Variants in KNL1 observed in about 807,000 individuals in gnomAD.
The protein encoded by KNL1 is outer kinetochore KNL1 complex subunit KNL1.
Under a neutral mutation model 201.3 loss-of-function variants are expected in KNL1, and 66 were observed. The observed-to-expected ratio is 0.33, with a 90% CI of 0.27 to 0.40. The LOEUF (loss-of-function observed/expected upper bound fraction) is 0.40. Among genes scored for constraint, KNL1 ranks in the 10% least tolerant of loss-of-function variants. KNL1 has a pLI of 1.00. For missense variants in KNL1, 2,815 were observed against 2,690.5 expected, an observed-to-expected ratio of 1.05 and a Z score of -1.02; for synonymous variants, 895 against 899.2, an observed-to-expected ratio of 1.00 and a Z score of 0.08.
chr15:40,629,250 C>G (rs1892834583), intron 12 of KNL1, 23 bp from the exon 13 acceptor site: 1 of 1,455,954 alleles, frequency 6.9e-7, no homozygotes, highest in African/African-American at 1.4e-5. Flanking sequence ...AATGGTCATG[C>G]AAACTTTTTT....
At position 40,621,784 on chromosome 15, in the gene KNL1, A is replaced by G; in HGVS notation, c.1520A>G (p.Gln507Arg). Residue 507 changes from glutamine (Q) to arginine (R), a missense_variant, in exon 10 of 26, where the codon CAA (glutamine) becomes CGA (arginine). By Grantham distance (43) the Gln-to-Arg change is conservative (BLOSUM62 1). Transcript: ENST00000399668. Reference sequence around the variant, plus strand: ...TTTAAACAAGATCAATCAAATGTGCAAATAGCAGCTGCACCAACACCCGAA... The same window carrying G: ...TTTAAACAAGATCAATCAAATGTGCGAATAGCAGCTGCACCAACACCCGAA... Reference protein sequence around the residue: ...QIFKQDQSNVQIAAAPTPEKE... With the variant: ...QIFKQDQSNVRIAAAPTPEKE... 6.2e-7 allele frequency: 1 copy of G among 1,614,000 alleles called. No homozygotes were observed. Among genetic ancestry groups the G allele is most frequent in the Non-Finnish European group, 8.5e-7 (1 of 1,179,886 alleles).
At chr15:40,651,657 T>G in intron 20 of KNL1, 85 bp downstream of exon 20, 1 of 916,046 alleles carries the variant, frequency 1.1e-6, no homozygotes, top group Non-Finnish European at 1.7e-6. Flanking sequence ...GATGTATTTT[T>G]AATGTGTTGC....
intron 8 of KNL1, among the ~76,000 whole-genome samples, chr15:40,618,578 AT>A (rs2141716656): frequency 6.6e-6 from 1 of 152,264 alleles, no homozygotes; most frequent in Admixed American, 6.5e-5. Context: ...TCACCACCAC[AT>A]TATAAAAATA....
At chr15:40,645,794 C>G in intron 16 of KNL1, 22 bp downstream of exon 16, 3 of 1,210,372 alleles carry the variant, frequency 2.5e-6, no homozygotes, top group Non-Finnish European at 3.5e-6. Context: ...CAGTTAATAT[C>G]ATAGAAAGAG....
chr15:40,641,983 A>T (rs1251037127), intron 14 of KNL1, among the ~76,000 whole-genome samples: 1 of 152,266 alleles, frequency 6.6e-6, no homozygotes, highest in Non-Finnish European at 1.5e-5. Context: ...TTTATGTCAT[A>T]CTTATCTGGG....
In KNL1 at chr15:40,625,328, G is replaced by C. The variant is rs369221746; in HGVS notation, c.5064G>C (p.Pro1688=). 3.2e-4 allele frequency: 514 copies of C among 1,613,890 alleles called. No individual in the cohort carries two copies. The highest frequency in any genetic ancestry group is 9.2e-4 in the Admixed American group (55 of 59,992). Residue 1688 remains proline (P), a synonymous_variant, in exon 10 of 26, where the codon CCG becomes CCC. Transcript: ENST00000399668. ...ATATAAATCACTTAGAAACTCAGCC[G>C]GTCTCTAGCAAAGATTCAGGCATTG... ...TTDINHLETQ[P]VSSKDSGIGS... is the part of the protein sequence containing the mutation.
Position 40,638,547 on chromosome 15 carries a change from A to C in KNL1, c.5683-2365A>C, listed in dbSNP as rs1595937028. On this transcript the variant is annotated intron_variant, in intron 13 of 25. Coordinates refer to ENST00000399668, the MANE Select transcript of KNL1 (RefSeq NM_144508.5). Reference sequence around the variant, plus strand: ...TGCTCTGTCACCTAGTCTGGAGTGCAATGGTGCGATCTCGGCTCACTGCAA... The same window carrying C: ...TGCTCTGTCACCTAGTCTGGAGTGCCATGGTGCGATCTCGGCTCACTGCAA... Among the ~76,000 whole-genome samples, 4 of 151,552 alleles carry C rather than the reference A, an allele frequency of 2.6e-5. 1 individual carries two copies. In the South Asian group the frequency reaches 8.3e-4, roughly 32 times the overall value.
rs757780869 is a variant in KNL1, at chr15:40,620,947, G to A, written c.683G>A (p.Ser228Asn). ...FIKRLKTGKCSAFPDVPDKEN... is the reference protein window; with the variant it reads ...FIKRLKTGKCNAFPDVPDKEN... ...AAAAGATTGAAAACAGGAAAATGTAGTGCTTTTCCTGATGTGCCTGATAAA... is the reference window on the plus strand; with the variant it reads ...AAAAGATTGAAAACAGGAAAATGTAATGCTTTTCCTGATGTGCCTGATAAA... The change falls in exon 10 of 26, where the codon AGT becomes AAT. Residue 228 changes from serine (S) to asparagine (N), a missense_variant. Ser to Asn is a conservative substitution (Grantham distance 46, BLOSUM62 1). This residue lies in a region of KNL1 where 2,464 missense variants were observed against 2,291.7 expected (regional missense o/e 1.08). Transcript: ENST00000399668. The A allele has an allele frequency of 6.2e-7, 1 of 1,606,284 alleles. No individual in the cohort carries two copies. Among genetic ancestry groups the A allele is most frequent in the South Asian group, 1.1e-5 (1 of 89,912 alleles).
At chr15:40,635,889 C>T (rs1205705695) in intron 13 of KNL1, among the ~76,000 whole-genome samples, 1 of 151,956 alleles carries the variant, frequency 6.6e-6, no homozygotes, top group African/African-American at 2.4e-5. Flanking sequence ...TTTTTTGAGA[C>T]GGAGTCTCGC....
intron 7 of KNL1, among the ~76,000 whole-genome samples, chr15:40,614,101 CTTT>C (rs35400027): frequency 1.5e-5 from 2 of 132,528 alleles, no homozygotes. Flanking sequence ...CCTGGCCCCC[CTTT>C]TTTTTTTTTT....
intron 1 of KNL1, among the ~76,000 whole-genome samples, chr15:40,599,404 G>A (rs529221241): frequency 6.6e-6 from 1 of 150,522 alleles, no homozygotes; most frequent in East Asian, 2.0e-4. Context: ...CACCCCCCGA[G>A]ACAGGGTCTT....
intron 6 of KNL1, among the ~76,000 whole-genome samples, chr15:40,611,178 G>A (rs918635942): frequency 5.3e-5 from 8 of 150,614 alleles, no homozygotes; most frequent in South Asian, 4.2e-4. Flanking sequence ...GTGCGATCTC[G>A]GCTAACTGCA....
chr15:40,594,315 T>C lies in KNL1; in HGVS notation c.-95T>C, dbSNP rs1891554261. The C allele has an allele frequency of 6.6e-6, 1 of 152,310 alleles. No homozygotes were observed. Among genetic ancestry groups the C allele is most frequent in the African/African-American group, 2.4e-5 (1 of 41,462 alleles). The allele number at this position is 152,310 out of a possible 1,614,324, so 9.4% of individuals were successfully genotyped here. ...GGACTGCTAGAGGCGGCTGTCTGTT[T>C]CCGCTCTAAGGAAACTCAGAGCGTG... On this transcript the variant is annotated 5_prime_UTR_variant, in exon 1 of 26. Coordinates refer to ENST00000399668, the MANE Select transcript of KNL1 (RefSeq NM_144508.5).
At position 40,603,269 on chromosome 15, in the gene KNL1, A is replaced by T. The variant is rs149697248; in HGVS notation, c.35+303A>T. ...ACCCCCTGGCAGGCCCCGGTGAGTGATGTTCCCCAACCCTGTGTCCAAGTG... is the reference window on the plus strand; with the variant it reads ...ACCCCCTGGCAGGCCCCGGTGAGTGTTGTTCCCCAACCCTGTGTCCAAGTG... On this transcript the variant is annotated intron_variant, in intron 2 of 25. Coordinates refer to ENST00000399668, the MANE Select transcript of KNL1 (RefSeq NM_144508.5). 2.9e-3 allele frequency among the ~76,000 whole-genome samples: 438 copies of T among 152,200 alleles called. 2 individuals are homozygous for T. Among genetic ancestry groups the T allele is most frequent in the African/African-American group, 0.01 (418 of 41,520 alleles).
At chr15:40,596,101 A>C (rs1483176984) in intron 1 of KNL1, among the ~76,000 whole-genome samples, 1 of 152,182 alleles carries the variant, frequency 6.6e-6, no homozygotes, top group Non-Finnish European at 1.5e-5. Context: ...TATTTAGAGT[A>C]GTGGTTCCCA....
chr15:40,634,654 G>A lies in KNL1; in HGVS notation c.5682+5283G>A, dbSNP rs530986364. On this transcript the variant is annotated intron_variant, in intron 13 of 25. Transcript: ENST00000399668. ...TCAGCTATAGATAGGGAGGAGAAAG[G>A]AGCTTAGGTGTGCATCCAGGGGCTG... Among the ~76,000 whole-genome samples the A allele has an allele frequency of 4.6e-5, 7 of 152,224 alleles. No individual in the cohort carries two copies. The South Asian group carries it at 1.2e-3, about 27-fold the overall frequency.
chr15:40,605,048 A>G, intron 2 of KNL1, 62 bp from the exon 3 acceptor site: 1 of 864,206 alleles, frequency 1.2e-6, no homozygotes, highest in Non-Finnish European at 2.0e-6. Context: ...TGCTGTGATG[A>G]TGCCTTTTGT....
rs142481866 is a variant in KNL1 at position 40,608,675 on chromosome 15, G to T, written c.136-172G>T. On this transcript the variant is annotated intron_variant, in intron 4 of 25. Transcript: ENST00000399668. ...CAGGAGAATCGCTTGAATCCGGGAG[G>T]CAGAGGCTGTGGTGAGCCAAGATCA... Among the ~76,000 whole-genome samples the T allele has an allele frequency of 0.02, 3,061 of 151,156 alleles. 110 individuals are homozygous for T. The highest frequency in any genetic ancestry group is 0.072 in the African/African-American group (2,945 of 41,112).
At position 40,621,175 on chromosome 15, in the gene KNL1, G is replaced by A. The variant is rs373698712; in HGVS notation, c.911G>A (p.Arg304Gln). ...CCCACATCCAGTGAGACCAACTCAC[G>A]GGAATCTAAAGGTAATGATATTACA... ...LIPTSSETNSRESKGNDITIY... is the reference protein window; with the variant it reads ...LIPTSSETNSQESKGNDITIY... The change falls in exon 10 of 26, where the codon CGG (arginine) becomes CAG (glutamine). Residue 304 changes from arginine to glutamine, a missense_variant. By Grantham distance (43) the Arg-to-Gln change is conservative. Transcript: ENST00000399668. The A allele has an allele frequency of 8.1e-6, 13 of 1,612,830 alleles. No homozygotes were observed. Among genetic ancestry groups the A allele is most frequent in the African/African-American group, 2.7e-5 (2 of 74,832 alleles).
Sources: gnomAD v4.1 joint callset for allele counts (sites outside exome capture counted in the v4.1 genomes callset) on GRCh38, gnomAD v4.1.1 for gene constraint, gnomAD v4.1.1 regional missense constraint, MANE v1.5 for transcripts, NCBI Gene and HGNC (gene_info 2026-07-23, HGNC 2026-07-21) for gene names.